AHCY: variants seen among roughly 807,000 people sequenced by gnomAD.
AHCY encodes the protein S-adenosyl-L-homocysteine hydrolase.
A neutral mutation model predicts 45.4 loss-of-function variants in AHCY; 24 were observed. That is an observed-to-expected ratio of 0.53 (90% CI 0.38 to 0.74). The LOEUF (loss-of-function observed/expected upper bound fraction) is 0.74, where lower values mean the gene tolerates loss of function less well. AHCY is among the 30% of genes least tolerant of loss of function. The probability of loss-of-function intolerance (pLI) is 0.00; values close to 1 mark genes in which losing one functional copy is unlikely to be tolerated. For missense variants in AHCY, 449 were observed against 594.1 expected, an observed-to-expected ratio of 0.76 and a Z score of 2.54; for synonymous variants, 245 against 235.1, an observed-to-expected ratio of 1.04 and a Z score of -0.39.
In AHCY at chr20:34,290,842, C is replaced by T. The variant is rs2036359317; in HGVS notation, c.655G>A (p.Ala219Thr). Residue 219 changes from alanine (A) to threonine (T), a missense_variant, in exon 6 of 10, where the codon GCA becomes ACA. Transcript: ENST00000217426. The surrounding 1 kb of genome is among the most constrained non-coding windows in gnomAD (Gnocchi z 4.5). Reference protein sequence around the residue: ...VMIAGKVAVVAGYGDVGKGCA... With the variant: ...VMIAGKVAVVTGYGDVGKGCA... Reference sequence around the variant, plus strand: ...CCCTTGCCCACATCACCATAGCCTGCTACCACCGCTACCTTGCCGGCAATC... The same window carrying T: ...CCCTTGCCCACATCACCATAGCCTGTTACCACCGCTACCTTGCCGGCAATC... 4 of 1,614,062 alleles carry T rather than the reference C, an allele frequency of 2.5e-6. No homozygotes were observed. Among genetic ancestry groups the T allele is most frequent in the Non-Finnish European group, 3.4e-6 (4 of 1,180,032 alleles).
upstream of AHCY, among the ~76,000 whole-genome samples, chr20:34,307,395 G>A (rs1027418518): frequency 6.7e-6 from 1 of 149,806 alleles, no homozygotes; most frequent in African/African-American, 2.5e-5. Flanking sequence ...TTTTTTTGTC[G>A]GAGTTTCGCT....
chr20:34,285,559 C>G lies in AHCY; in HGVS notation c.1048G>C (p.Ala350Pro). The change falls in exon 9 of 10, where the codon GCC (alanine) becomes CCC (proline). Residue 350 changes from alanine to proline, a missense_variant. Coordinates refer to ENST00000217426, the MANE Select transcript of AHCY (RefSeq NM_000687.4). The part of the protein sequence containing the change: ...AEGRLVNLGC[A>P]MGHPSFVMSN... ...ATCACGAAGCTGGGGTGGCCCATGG[C>G]ACAACCCAGGTTGACCAGCCGACCC... is the stretch of plus-strand genomic sequence containing the variant. The G allele has an allele frequency of 6.2e-7, 1 of 1,614,184 alleles. No individual in the cohort carries two copies. The highest frequency in any genetic ancestry group is 8.5e-7 in the Non-Finnish European group (1 of 1,180,024).
chr20:34,300,554 CAAGCACCTAAT>C (rs769811907), intron 1 of AHCY, among the ~76,000 whole-genome samples: 15,456 of 152,184 alleles, frequency 0.1, 2,639 homozygotes, highest in African/African-American at 0.35. Flanking sequence ...AGGCTCCTCT[CAAGCACCTAAT>C]ACAGTACCTG....
the AHCY span, among the ~76,000 whole-genome samples, chr20:34,265,477 T>C: frequency 1.2e-4 from 19 of 152,196 alleles, no homozygotes; most frequent in African/African-American, 4.3e-4. Context: ...TGACTTGTGA[T>C]CATACCACTG....
chr20:34,302,990 C>T, intron 1 of AHCY: 1 of 985,470 alleles, frequency 1.0e-6, no homozygotes, highest in Non-Finnish European at 1.2e-6. Flanking sequence ...CGCCAGTTTG[C>T]GGCTCGCAGA....
intron 8 of AHCY, chr20:34,286,377 CTTG>C (rs2036185233): frequency 6.5e-6 from 1 of 153,256 alleles, no homozygotes; most frequent in Non-Finnish European, 1.5e-5. Context: ...GGTTAGGTCA[CTTG>C]TCCAGAGCCA....
chr20:34,262,857 C>A, the AHCY span: 5 of 1,613,880 alleles, frequency 3.1e-6, no homozygotes, highest in South Asian at 2.2e-5. Context: ...CCAAACAGAT[C>A]GGCAGAAAAG....
At chr20:34,308,364 A>C (rs1307008286) in intron 1 of AHCY, among the ~76,000 whole-genome samples, 1 of 152,198 alleles carries the variant, frequency 6.6e-6, no homozygotes, top group Non-Finnish European at 1.5e-5. Flanking sequence ...CAGCCTGGCC[A>C]ACATGGCAAA....
chr20:34,249,443 A>G, the AHCY span, among the ~76,000 whole-genome samples: 1 of 152,116 alleles, frequency 6.6e-6, no homozygotes, highest in Admixed American at 6.6e-5. Flanking sequence ...GTGTAATGTA[A>G]TGTTTCCCCT....
At chr20:34,258,899 T>C in the AHCY span, among the ~76,000 whole-genome samples, 2 of 133,926 alleles carry the variant, frequency 1.5e-5, no homozygotes, top group Admixed American at 1.8e-4. Flanking sequence ...ATATATATAG[T>C]GTATATATAT....
the AHCY span, chr20:34,246,012 C>T: frequency 3.8e-6 from 4 of 1,063,498 alleles, no homozygotes; most frequent in African/African-American, 1.6e-5. Flanking sequence ...GGCCATTTTT[C>T]TGAATGACAT....
chr20:34,262,349 A>G, the AHCY span, among the ~76,000 whole-genome samples: 1 of 152,234 alleles, frequency 6.6e-6, no homozygotes, highest in African/African-American at 2.4e-5. Context: ...CATAGTCATT[A>G]TATTGGCAGA....
At chr20:34,264,706 T>C in the AHCY span, among the ~76,000 whole-genome samples, 5 of 152,072 alleles carry the variant, frequency 3.3e-5, no homozygotes, top group Admixed American at 6.6e-5. Context: ...TGTAAATGTA[T>C]TTTCACTTCC....
chr20:34,257,042 TTCTTTCTTTC>T, the AHCY span, among the ~76,000 whole-genome samples: 1 of 150,110 alleles, frequency 6.7e-6, no homozygotes, highest in Non-Finnish European at 1.5e-5. Context: ...TTCTTTCTTT[TTCTTTCTTTC>T]TCTCTCTCTT....
the AHCY span, among the ~76,000 whole-genome samples, chr20:34,254,775 A>T: frequency 6.6e-6 from 1 of 152,206 alleles, no homozygotes; most frequent in Admixed American, 6.5e-5. Context: ...CAAGAATCCT[A>T]ATACAACTAA....
the AHCY span, among the ~76,000 whole-genome samples, chr20:34,243,786 C>T: frequency 1.3e-5 from 2 of 151,222 alleles, no homozygotes; most frequent in African/African-American, 2.4e-5. Flanking sequence ...ACTGTCTCGC[C>T]GGGCGCGGTG....
At chr20:34,260,472 A>T in the AHCY span, 1 of 1,614,092 alleles carries the variant, frequency 6.2e-7, no homozygotes, top group African/African-American at 1.3e-5. Context: ...CTCCGAGATG[A>T]CAGGAGCCTG....
At chr20:34,302,560 A>C (rs1406375348) in intron 1 of AHCY, 1 of 943,520 alleles carries the variant, frequency 1.1e-6, no homozygotes, top group South Asian at 4.9e-5. Context: ...TAAAGCTAGA[A>C]GGCAGTGCCG....
the AHCY span, among the ~76,000 whole-genome samples, chr20:34,258,792 G>C: frequency 4.8e-5 from 5 of 103,284 alleles, no homozygotes; most frequent in African/African-American, 1.8e-4. Flanking sequence ...TATATATAGT[G>C]TATATATAAT....
Sources: allele counts gnomAD v4.1 joint callset (sites outside exome capture counted in the v4.1 genomes callset), GRCh38; gene constraint gnomAD v4.1.1; non-coding constraint Gnocchi (gnomAD v3.1); transcripts MANE v1.5; gene names NCBI Gene and HGNC (gene_info 2026-07-23, HGNC 2026-07-21).